GDPD5: variants seen among roughly 807,000 people sequenced by gnomAD.
GDPD5 encodes the protein glycerophosphodiester phosphodiesterase 2.
In GDPD5, 48 loss-of-function variants were observed where a neutral mutation model predicts 75.1. The observed-to-expected ratio is 0.64, with a 90% CI of 0.51 to 0.81. The LOEUF (loss-of-function observed/expected upper bound fraction) is 0.81. Among genes scored for constraint, GDPD5 ranks in the 40% least tolerant of loss-of-function variants. The pLI is 0.00. For synonymous variants in GDPD5, 336 were observed against 339.0 expected (o/e 0.99, Z 0.10); for missense variants, 706 against 822.6 (o/e 0.86, Z 1.73).
At chr11:75,514,239 C>T (rs908774453) in intron 1 of GDPD5, among the ~76,000 whole-genome samples, 8 of 152,238 alleles carry the variant, frequency 5.3e-5, no homozygotes, top group Non-Finnish European at 1.2e-4. Flanking sequence ...GCTACCACTG[C>T]CAGCCACCAG....
chr11:75,442,940 C>A, intron 11 of GDPD5, 196 bp downstream of exon 11: 1 of 659,406 alleles, frequency 1.5e-6, no homozygotes, highest in Non-Finnish European at 2.7e-6. Flanking sequence ...GGGAAATGGA[C>A]CCAGAACAAG....
intron 14 of GDPD5, 87 bp from the exon 15 acceptor site, chr11:75,440,048 C>CTCAGT: frequency 1.1e-6 from 1 of 951,460 alleles, no homozygotes; most frequent in Non-Finnish European, 1.6e-6. Context: ...CCAAAGGACC[C>CTCAGT]CACATGGCCA....
chr11:75,464,998 T>C (rs1949487363), intron 3 of GDPD5, among the ~76,000 whole-genome samples: 1 of 152,170 alleles, frequency 6.6e-6, no homozygotes, highest in African/African-American at 2.4e-5. Flanking sequence ...TCAGAATCCG[T>C]CTTGCCACCT....
intron 13 of GDPD5, 97 bp downstream of exon 13, chr11:75,441,549 T>C: frequency 1.0e-6 from 1 of 982,358 alleles, no homozygotes; most frequent in Non-Finnish European, 1.4e-6. Flanking sequence ...CGACCGTGTG[T>C]GTGTGTGTGT....
At chr11:75,508,278 G>T (rs1404505351) in intron 1 of GDPD5, 4 of 152,246 alleles carry the variant, frequency 2.6e-5, no homozygotes, top group Non-Finnish European at 5.9e-5. Context: ...TGTTTACAGA[G>T]ACCACAGATC....
At chr11:75,445,049 C>T (rs537642940) in intron 9 of GDPD5, among the ~76,000 whole-genome samples, 2 of 152,266 alleles carry the variant, frequency 1.3e-5, no homozygotes, top group African/African-American at 2.4e-5. Context: ...AGCATTATTT[C>T]CCTCCCTGGA....
At chr11:75,455,894 AG>A (rs1389650734) in intron 6 of GDPD5, among the ~76,000 whole-genome samples, 6 of 152,094 alleles carry the variant, frequency 3.9e-5, no homozygotes, top group Non-Finnish European at 5.9e-5. Flanking sequence ...CCCAGCCCTG[AG>A]GGGGGGCACT....
Position 75,441,184 on chromosome 11 carries a change from C to T in GDPD5, c.1452G>A (p.Val484=), listed in dbSNP as rs971479817. The T allele has an allele frequency of 6.2e-7, 1 of 1,613,750 alleles. No individual in the cohort carries two copies. Among genetic ancestry groups the T allele is most frequent in the African/African-American group, 1.3e-5 (1 of 74,920 alleles). The part of the protein sequence containing the change: ...TSDNSHALSQ[V]PSPLWIMPPD... ...TCACCATGATCCAGAGGGGGGAAGG[C>T]ACCTGGGACAGGGCGTGGGAGTTGT... Residue 484 remains valine (V), a synonymous_variant, in exon 14 of 17, where the codon GTG becomes GTA. Transcript: ENST00000336898.
chr11:75,502,314 C>A (rs1487640668), intron 1 of GDPD5, among the ~76,000 whole-genome samples: 1 of 152,220 alleles, frequency 6.6e-6, no homozygotes, highest in African/African-American at 2.4e-5. Flanking sequence ...GTTTGGTGAA[C>A]TCCTATAGAT....
At chr11:75,457,588 C>T in intron 5 of GDPD5, 105 bp downstream of exon 5, 1 of 771,550 alleles carries the variant, frequency 1.3e-6, no homozygotes, top group Non-Finnish European at 2.2e-6. Context: ...ACAAATACAG[C>T]TTTCCCCTTT....
chr11:75,456,482 G>A, intron 6 of GDPD5: 1 of 506,312 alleles, frequency 2.0e-6, no homozygotes, highest in Non-Finnish European at 3.6e-6. Context: ...GGAGACCTTA[G>A]GCAAATCACT....
intron 10 of GDPD5, 147 bp from the exon 11 acceptor site, chr11:75,443,433 A>T (rs1948890513): frequency 1.1e-6 from 1 of 908,706 alleles, no homozygotes; most frequent in Non-Finnish European, 1.7e-6. Flanking sequence ...CCCCATCTGC[A>T]CAGGGAAGAC....
chr11:75,439,620 T>C (rs1279223341), intron 15 of GDPD5, among the ~76,000 whole-genome samples: 1 of 152,012 alleles, frequency 6.6e-6, no homozygotes, highest in Non-Finnish European at 1.5e-5. Context: ...GCCAGCCCGG[T>C]GAGGAGCTGA....
At chr11:75,487,146 C>T (rs1435931958) in intron 2 of GDPD5, among the ~76,000 whole-genome samples, 1 of 152,240 alleles carries the variant, frequency 6.6e-6, no homozygotes, top group Non-Finnish European at 1.5e-5. Flanking sequence ...CGGCCCCAGC[C>T]TCCTGCAGGT....
intron 3 of GDPD5, among the ~76,000 whole-genome samples, chr11:75,472,923 G>C (rs922326984): frequency 4.6e-5 from 7 of 152,062 alleles, no homozygotes; most frequent in African/African-American, 1.7e-4. Context: ...AGGAGAGAAA[G>C]GAAGGAGGAG....
intron 2 of GDPD5, among the ~76,000 whole-genome samples, chr11:75,484,922 T>C (rs1345889892): frequency 1.3e-5 from 2 of 152,080 alleles, no homozygotes; most frequent in Non-Finnish European, 2.9e-5. Flanking sequence ...CAAAGGCCAA[T>C]GGTCTTAACA....
At chr11:75,517,202 C>T (rs1354436683) in intron 1 of GDPD5, 2 of 152,198 alleles carry the variant, frequency 1.3e-5, no homozygotes, top group Non-Finnish European at 2.9e-5. Context: ...CAGCTATAAT[C>T]CCAGCACTTT....
At chr11:75,460,303 C>CT (rs111547458) in intron 4 of GDPD5, among the ~76,000 whole-genome samples, 6,064 of 149,388 alleles carry the variant, frequency 0.041, 300 homozygotes, top group African/African-American at 0.11. Context: ...CCCAGAGATT[C>CT]TTTTTTTTTT....
At chr11:75,441,583 T>C (rs1948806937) in intron 13 of GDPD5, 63 bp downstream of exon 13, 1 of 1,423,300 alleles carries the variant, frequency 7.0e-7, no homozygotes. Flanking sequence ...GGGGTGGTGG[T>C]GGCAGGACTG....
Sources: allele counts gnomAD v4.1 joint callset (sites outside exome capture counted in the v4.1 genomes callset), GRCh38; gene constraint gnomAD v4.1.1; transcripts MANE v1.5; gene names NCBI Gene and HGNC (gene_info 2026-07-23, HGNC 2026-07-21).